The following ANTXR1 variants were observed in gnomAD, a reference collection of about 807,000 sequenced individuals.
ANTXR1 encodes anthrax toxin receptor 1.
In ANTXR1, 19 loss-of-function variants were observed where a neutral mutation model predicts 78.1. The observed-to-expected ratio is 0.24, with a 90% CI of 0.17 to 0.36. The LOEUF (loss-of-function observed/expected upper bound fraction) is 0.36, where lower values mean the gene tolerates loss of function less well. ANTXR1 is among the 10% of genes least tolerant of loss of function. ANTXR1 has a pLI of 1.00. For synonymous variants in ANTXR1, 273 were observed against 260.5 expected, an observed-to-expected ratio of 1.05 and a Z score of -0.46; for missense variants, 518 against 718.6, an observed-to-expected ratio of 0.72 and a Z score of 3.19.
Position 69,070,584 on chromosome 2 carries a change from A to G in ANTXR1, c.297-63A>G, listed in dbSNP as rs1015305064. ...AGAGGTAAGAAGAAGACTAGTACTTATGACTACAACAGCAAAGTAAAAAAT... is the reference window on the plus strand; with the variant it reads ...AGAGGTAAGAAGAAGACTAGTACTTGTGACTACAACAGCAAAGTAAAAAAT... On this transcript the variant is annotated intron_variant, in intron 3 of 17. Coordinates refer to ENST00000303714, the MANE Select transcript of ANTXR1 (RefSeq NM_032208.3). The G allele has an allele frequency of 6.8e-6, 10 of 1,480,526 alleles. No individual in the cohort carries two copies. The African/African-American group carries it at 1.2e-4, about 18-fold the overall frequency. 91.7% of individuals were successfully genotyped at this position (1,480,526 alleles called of 1,614,324 possible). A position where few individuals can be genotyped will look rare whatever the true frequency, so the allele number is the denominator to read the frequency against.
intron 3 of ANTXR1, among the ~76,000 whole-genome samples, chr2:69,059,459 G>A (rs1670166467): frequency 1.3e-5 from 2 of 151,376 alleles, no homozygotes; most frequent in Non-Finnish European, 2.9e-5. Flanking sequence ...TAGCAATAAA[G>A]TATTTTTCAT....
At chr2:69,161,514 C>T (rs1673681694) in intron 13 of ANTXR1, among the ~76,000 whole-genome samples, 1 of 152,200 alleles carries the variant, frequency 6.6e-6, no homozygotes. Flanking sequence ...TTCAGGCAGT[C>T]CTTGGCCAGC....
intron 17 of ANTXR1, among the ~76,000 whole-genome samples, chr2:69,204,145 C>G (rs1022104192): frequency 5.3e-5 from 8 of 152,178 alleles, no homozygotes; most frequent in African/African-American, 1.9e-4. Flanking sequence ...CAAAAAAGAT[C>G]ATCTCGAGGG....
At chr2:69,162,001 T>C (rs1673694413) in intron 13 of ANTXR1, among the ~76,000 whole-genome samples, 1 of 148,514 alleles carries the variant, frequency 6.7e-6, no homozygotes, top group South Asian at 2.3e-4. Context: ...CCTCTGAGCG[T>C]GCAGGAAGTC....
intron 9 of ANTXR1, among the ~76,000 whole-genome samples, chr2:69,100,496 G>A (rs1366530446): frequency 6.6e-6 from 1 of 152,162 alleles, no homozygotes; most frequent in Admixed American, 6.5e-5. Context: ...CCCTGAGGTG[G>A]GGCCAAGCAG....
At chr2:69,043,862 G>A (rs1044387767) in intron 2 of ANTXR1, among the ~76,000 whole-genome samples, 5 of 152,136 alleles carry the variant, frequency 3.3e-5, no homozygotes, top group African/African-American at 1.2e-4. Context: ...GGGAAGTGAG[G>A]CAGGTTTGAG....
At chr2:69,189,745 T>A (rs1674506557) in intron 16 of ANTXR1, among the ~76,000 whole-genome samples, 1 of 151,702 alleles carries the variant, frequency 6.6e-6, no homozygotes. Flanking sequence ...AGAAGGGAGG[T>A]TAGAATGATT....
intron 3 of ANTXR1, among the ~76,000 whole-genome samples, chr2:69,048,923 A>G (rs886396410): frequency 6.6e-6 from 1 of 152,150 alleles, no homozygotes; most frequent in Middle Eastern, 3.2e-3. Flanking sequence ...CATTTTCTCT[A>G]TACTTATTTT....
Position 69,013,800 on chromosome 2 carries a change from T to G in ANTXR1, c.152+149T>G, listed in dbSNP as rs1201346840. ...CGCGCGGCAGGCGGCGGCGGAGTGCTGCGCCTTTGTTGGGGCGCGCTCCTC... is the reference window on the plus strand; with the variant it reads ...CGCGCGGCAGGCGGCGGCGGAGTGCGGCGCCTTTGTTGGGGCGCGCTCCTC... On this transcript the variant is annotated intron_variant, in intron 1 of 17. Coordinates refer to ENST00000303714, the MANE Select transcript of ANTXR1 (RefSeq NM_032208.3). The surrounding 1 kb of genome is among the most constrained non-coding windows in gnomAD (Gnocchi z 5.0). 8 of 1,370,454 alleles carry G rather than the reference T, an allele frequency of 5.8e-6. No homozygotes were observed. Among genetic ancestry groups the G allele is most frequent in the African/African-American group, 1.4e-5 (1 of 69,344 alleles). 84.9% of individuals were successfully genotyped at this position (1,370,454 alleles called of 1,614,324 possible).
At chr2:69,189,292 C>T (rs1460843200) in intron 16 of ANTXR1, among the ~76,000 whole-genome samples, 2 of 152,160 alleles carry the variant, frequency 1.3e-5, no homozygotes, top group Admixed American at 6.5e-5. Flanking sequence ...CCCTGCAAGT[C>T]GGGCAGCGCT....
chr2:69,211,072 A>C (rs979070777), intron 17 of ANTXR1, among the ~76,000 whole-genome samples: 1 of 152,166 alleles, frequency 6.6e-6, no homozygotes, highest in Non-Finnish European at 1.5e-5. Flanking sequence ...CGAAAAGGCT[A>C]CAGAGAGGAG....
intron 8 of ANTXR1, among the ~76,000 whole-genome samples, chr2:69,078,493 C>T (rs1266301770): frequency 2.0e-5 from 3 of 152,184 alleles, no homozygotes; most frequent in Non-Finnish European, 4.4e-5. Flanking sequence ...CAGGAAAATT[C>T]CAGCATGGCT....
chr2:69,124,153 C>A (rs188099809), intron 11 of ANTXR1, among the ~76,000 whole-genome samples: 1 of 152,174 alleles, frequency 6.6e-6, no homozygotes, highest in Non-Finnish European at 1.5e-5. Context: ...CACTGAGAGT[C>A]CAGATAACAG....
intron 17 of ANTXR1, among the ~76,000 whole-genome samples, chr2:69,207,726 C>T (rs951711516): frequency 6.6e-6 from 1 of 152,194 alleles, no homozygotes; most frequent in Admixed American, 6.5e-5. Flanking sequence ...GGCAACACCC[C>T]CCACACCCCA....
intron 1 of ANTXR1, among the ~76,000 whole-genome samples, chr2:69,015,071 TAA>T (rs773687268): frequency 0.089 from 10,876 of 121,748 alleles, 1,359 homozygotes; most frequent in African/African-American, 0.29. Flanking sequence ...CAGGAAAATC[TAA>T]AAAAAAAAAA....
intron 12 of ANTXR1, among the ~76,000 whole-genome samples, chr2:69,132,361 T>A (rs936830835): frequency 3.9e-5 from 6 of 152,220 alleles, no homozygotes; most frequent in Admixed American, 1.3e-4. Flanking sequence ...GGAGGAAATT[T>A]CCAGGTGTCT....
intron 3 of ANTXR1, among the ~76,000 whole-genome samples, chr2:69,058,769 G>A (rs889935825): frequency 6.6e-5 from 10 of 152,188 alleles, no homozygotes; most frequent in African/African-American, 2.4e-4. Context: ...TCTTGGCAAA[G>A]TAGATTGAAA....
chr2:69,092,719 A>G (rs542655474), intron 9 of ANTXR1, among the ~76,000 whole-genome samples: 12 of 152,318 alleles, frequency 7.9e-5, no homozygotes, highest in African/African-American at 2.6e-4. Flanking sequence ...TGACCACATG[A>G]ATGCAGTGCC....
intron 1 of ANTXR1, among the ~76,000 whole-genome samples, chr2:69,016,634 G>C (rs1039597546): frequency 6.6e-6 from 1 of 152,262 alleles, no homozygotes; most frequent in South Asian, 2.1e-4. Context: ...AACGTCATCT[G>C]CGTTATGATT....
Sources: allele counts gnomAD v4.1 joint callset (sites outside exome capture counted in the v4.1 genomes callset), GRCh38; gene constraint gnomAD v4.1.1; non-coding constraint Gnocchi (gnomAD v3.1); transcripts MANE v1.5; gene names NCBI Gene and HGNC (gene_info 2026-07-23, HGNC 2026-07-21).